BNC2: variants seen among roughly 807,000 people sequenced by gnomAD.
The protein encoded by BNC2 is basonuclin zinc finger protein 2.
A neutral mutation model predicts 76.3 loss-of-function variants in BNC2; 20 were observed. The ratio of observed to expected loss-of-function variants is 0.26; its 90% CI spans 0.18 to 0.38. The LOEUF (loss-of-function observed/expected upper bound fraction) is 0.38. Among genes scored for constraint, BNC2 ranks in the 10% least tolerant of loss-of-function variants. BNC2 has a pLI of 1.00. For synonymous variants in BNC2, 582 were observed against 514.8 expected (o/e 1.13, Z -1.77); for missense variants, 1,382 against 1,399.8 (o/e 0.99, Z 0.20).
intron 5 of BNC2, among the ~76,000 whole-genome samples, chr9:16,500,457 G>C (rs967577457): frequency 3.9e-5 from 6 of 151,948 alleles, no homozygotes; most frequent in Admixed American, 1.3e-4. Flanking sequence ...TTTTCTAAGG[G>C]TTCCAAACCC....
intron 4 of BNC2, among the ~76,000 whole-genome samples, chr9:16,576,929 G>C (rs1404100828): frequency 6.6e-6 from 1 of 152,056 alleles, no homozygotes; most frequent in Non-Finnish European, 1.5e-5. Context: ...GTAGAGACGG[G>C]GTTTCACCAT....
At chr9:16,811,621 T>C (rs1306361035) in intron 1 of BNC2, among the ~76,000 whole-genome samples, 1 of 149,110 alleles carries the variant, frequency 6.7e-6, no homozygotes, top group Non-Finnish European at 1.5e-5. Flanking sequence ...AGACATGGAC[T>C]GACTATTCAG....
At chr9:16,657,740 T>C (rs528984632) in intron 3 of BNC2, among the ~76,000 whole-genome samples, 15 of 152,296 alleles carry the variant, frequency 9.8e-5, no homozygotes, top group South Asian at 4.2e-4. Flanking sequence ...TTAAAGATGA[T>C]AGAAGGCTGT....
At chr9:16,443,064 C>CAAA (rs908689709) in intron 5 of BNC2, among the ~76,000 whole-genome samples, 129 of 63,602 alleles carry the variant, frequency 2.0e-3, no homozygotes, top group African/African-American at 6.8e-3. Context: ...GAGACTCTGT[C>CAAA]AAAAAAAAAA....
chr9:16,501,606 C>T (rs1822520205), intron 5 of BNC2, among the ~76,000 whole-genome samples: 1 of 152,122 alleles, frequency 6.6e-6, no homozygotes, highest in South Asian at 2.1e-4. Flanking sequence ...TCCAGTCTCC[C>T]ACAGTCTGCA....
At position 16,665,484 on chromosome 9, in the gene BNC2, AAGAAAG is replaced by A. The variant is rs1330434918; in HGVS notation, c.330+62307_330+62312del. On this transcript the variant is annotated intron_variant, in intron 3 of 6. Coordinates refer to ENST00000380672, the MANE Select transcript of BNC2 (RefSeq NM_017637.6). The stretch of plus-strand genomic sequence containing the variant: ...AAAGAAAGAAAGAAAGAAAGAAAGA[AAGAAAG>A]AGAGAGAGAGAAATCACAGCAAATT... Among the ~76,000 whole-genome samples, 436 of 136,930 alleles carry A rather than the reference AAGAAAG, an allele frequency of 3.2e-3. 2 individuals are homozygous for A. The highest frequency in any genetic ancestry group is 0.02 in the East Asian group (96 of 4,692). The allele number at this position is 136,930 out of a possible 152,430, so 89.8% of individuals were successfully genotyped here.
chr9:16,719,953 A>T (rs1036930638), intron 3 of BNC2, among the ~76,000 whole-genome samples: 2 of 152,206 alleles, frequency 1.3e-5, no homozygotes. Context: ...TGCACAAAAT[A>T]ATAAGTCCAA....
intron 3 of BNC2, among the ~76,000 whole-genome samples, chr9:16,586,350 G>C (rs1023206633): frequency 6.6e-5 from 10 of 152,122 alleles, no homozygotes; most frequent in Admixed American, 4.6e-4. Flanking sequence ...TCTTGAAAGA[G>C]AAATCCATGC....
intron 1 of BNC2, among the ~76,000 whole-genome samples, chr9:16,793,998 G>A (rs528037406): frequency 6.6e-6 from 1 of 151,800 alleles, no homozygotes; most frequent in South Asian, 2.1e-4. Context: ...CACCGCGCCG[G>A]GCCTTGCCTT....
At chr9:16,704,941 C>G (rs1263997513) in intron 3 of BNC2, 1 of 152,356 alleles carries the variant, frequency 6.6e-6, no homozygotes, top group Non-Finnish European at 1.5e-5. Flanking sequence ...TCCTCTCTAT[C>G]TCCCAACCTC....
chr9:16,626,085 A>C (rs1311770129), intron 3 of BNC2: 2 of 152,256 alleles, frequency 1.3e-5, no homozygotes, highest in Non-Finnish European at 2.9e-5. Context: ...GGGGAGCAGG[A>C]AACCTTCAGA....
intron 3 of BNC2, among the ~76,000 whole-genome samples, chr9:16,587,075 ATTAC>A (rs1819793260): frequency 6.6e-6 from 1 of 152,148 alleles, no homozygotes; most frequent in Admixed American, 6.5e-5. Flanking sequence ...TGTTACTACT[ATTAC>A]TTTTATTTCA....
At chr9:16,456,158 C>A (rs554836081) in intron 5 of BNC2, among the ~76,000 whole-genome samples, 5 of 152,042 alleles carry the variant, frequency 3.3e-5, no homozygotes, top group Non-Finnish European at 7.4e-5. Context: ...AAATTAAGGT[C>A]AAAATTTCAC....
intron 5 of BNC2, among the ~76,000 whole-genome samples, chr9:16,468,558 G>A (rs1821747141): frequency 6.6e-6 from 1 of 151,938 alleles, no homozygotes; most frequent in Non-Finnish European, 1.5e-5. Flanking sequence ...ACCACGCCTG[G>A]CTACTTTTTG....
chr9:16,427,758 T>C (rs1322067660), intron 6 of BNC2, among the ~76,000 whole-genome samples: 1 of 152,200 alleles, frequency 6.6e-6, no homozygotes, highest in Non-Finnish European at 1.5e-5. Context: ...TGCTGATGAA[T>C]GGAAGGTAAT....
In BNC2 at chr9:16,625,457, T is replaced by C. The variant is rs113316763; in HGVS notation, c.331-42372A>G. On this transcript the variant is annotated intron_variant, in intron 3 of 6. Coordinates refer to ENST00000380672, the MANE Select transcript of BNC2 (RefSeq NM_017637.6). ...TTCTTCTAACATAAACCTCAGCTCT[T>C]TTTCAGTCTTGCTACTCAGGGAACT... 8.5e-3 allele frequency among the ~76,000 whole-genome samples: 1,292 copies of C among 152,178 alleles called. 27 individuals carry two copies. The highest frequency in any genetic ancestry group is 0.03 in the African/African-American group (1,225 of 41,506).
intron 1 of BNC2, among the ~76,000 whole-genome samples, chr9:16,866,224 A>G (rs998771706): frequency 3.3e-5 from 5 of 152,172 alleles, no homozygotes; most frequent in African/African-American, 4.8e-5. Flanking sequence ...ATATCATTTA[A>G]ATCCTATTTC....
At chr9:16,568,034 G>T (rs1245900428) in intron 4 of BNC2, among the ~76,000 whole-genome samples, 4 of 152,080 alleles carry the variant, frequency 2.6e-5, no homozygotes, top group African/African-American at 9.7e-5. Flanking sequence ...TAAAAAAGAA[G>T]GCTTATTCTT....
chr9:16,459,131 C>T (rs1821518549), intron 5 of BNC2, among the ~76,000 whole-genome samples: 1 of 152,144 alleles, frequency 6.6e-6, no homozygotes, highest in African/African-American at 2.4e-5. Context: ...CAAAACACAT[C>T]CATATACATG....
Sources: allele counts gnomAD v4.1 joint callset (sites outside exome capture counted in the v4.1 genomes callset), GRCh38; gene constraint gnomAD v4.1.1; transcripts MANE v1.5; gene names NCBI Gene and HGNC (gene_info 2026-07-23, HGNC 2026-07-21).